ARHGEF3: variants seen among roughly 807,000 people sequenced by gnomAD.
ARHGEF3 encodes 59.8 kDA protein.
A neutral mutation model predicts 63.2 loss-of-function variants in ARHGEF3; 28 were observed. The observed-to-expected ratio is 0.44, with a 90% confidence interval of 0.33 to 0.61. The LOEUF (loss-of-function observed/expected upper bound fraction) is 0.61. Among genes scored for constraint, ARHGEF3 ranks in the 20% least tolerant of loss-of-function variants. The pLI is 0.03. For synonymous variants in ARHGEF3, 266 were observed against 254.2 expected (o/e 1.05, Z -0.44); for missense variants, 533 against 659.3 (o/e 0.81, Z 2.10).
At chr3:56,822,230 T>C (rs768253313) in intron 4 of ARHGEF3, among the ~76,000 whole-genome samples, 2 of 152,192 alleles carry the variant, frequency 1.3e-5, no homozygotes, top group African/African-American at 2.4e-5. Context: ...ATCATTCCCA[T>C]GGCACAGATG....
At chr3:56,934,170 C>T (rs919522454) in intron 3 of ARHGEF3, among the ~76,000 whole-genome samples, 2 of 152,218 alleles carry the variant, frequency 1.3e-5, no homozygotes, top group Non-Finnish European at 2.9e-5. Context: ...TCCTCACATT[C>T]CCTTCCCAGG....
chr3:57,079,057 A>G (rs1180070288), intron 1 of ARHGEF3: 2 of 320,914 alleles, frequency 6.2e-6, no homozygotes, highest in Admixed American at 5.0e-5. Flanking sequence ...CTAGCAGGGT[A>G]ACTCGGAGGT....
chr3:56,789,940 A>G (rs2037001273), intron 1 of ARHGEF3, among the ~76,000 whole-genome samples: 1 of 152,230 alleles, frequency 6.6e-6, no homozygotes, highest in African/African-American at 2.4e-5. Context: ...AGGATCAGAT[A>G]ATTTAAAAGG....
intron 1 of ARHGEF3, among the ~76,000 whole-genome samples, chr3:56,783,906 T>C (rs988728329): frequency 2.6e-5 from 4 of 152,162 alleles, no homozygotes; most frequent in African/African-American, 7.2e-5. Context: ...CCCTAAAACA[T>C]TGAAGTTTAG....
In ARHGEF3 at chr3:56,992,215, T is replaced by C. The variant is rs140744608; in HGVS notation, c.63-33326A>G. 2.9e-3 allele frequency among the ~76,000 whole-genome samples: 436 copies of C among 151,796 alleles called. 1 individual carries two copies. Among genetic ancestry groups the C allele is most frequent in the African/African-American group, 0.01 (420 of 41,364 alleles). On this transcript the variant is annotated intron_variant, in intron 2 of 12. Transcript: ENST00000338458. ...CTAGTTCGCTCATTAATGAGTTAAA[T>C]AAATATTTTGCCCAGGCTAAGTATA... is the stretch of plus-strand genomic sequence containing the variant.
chr3:56,818,029 A>G (rs2038335238), intron 4 of ARHGEF3, among the ~76,000 whole-genome samples: 1 of 152,230 alleles, frequency 6.6e-6, no homozygotes, highest in African/African-American at 2.4e-5. Context: ...GTACTGGATT[A>G]AAGTTTTTCA....
intron 4 of ARHGEF3, among the ~76,000 whole-genome samples, chr3:56,859,712 T>G (rs1311830747): frequency 1.3e-5 from 2 of 151,634 alleles, no homozygotes; most frequent in East Asian, 3.9e-4. Flanking sequence ...TTTTTTTTTT[T>G]TTTTAAGTTA....
intron 1 of ARHGEF3, among the ~76,000 whole-genome samples, chr3:57,035,875 C>G (rs1703932796): frequency 6.6e-6 from 1 of 152,230 alleles, no homozygotes; most frequent in Non-Finnish European, 1.5e-5. Flanking sequence ...TTGCATCTAG[C>G]ACAGCCACCC....
chr3:56,926,737 C>T (rs1015151410), intron 3 of ARHGEF3, among the ~76,000 whole-genome samples: 3 of 152,190 alleles, frequency 2.0e-5, no homozygotes, highest in Non-Finnish European at 2.9e-5. Flanking sequence ...ACCCAGATTC[C>T]CCCAGTGTGA....
chr3:56,794,023 A>T (rs1451773782), intron 1 of ARHGEF3, among the ~76,000 whole-genome samples: 1 of 152,218 alleles, frequency 6.6e-6, no homozygotes, highest in Non-Finnish European at 1.5e-5. Flanking sequence ...GACAGGAAAG[A>T]GATAGGACAG....
chr3:56,898,571 C>A, intron 3 of ARHGEF3: 1 of 259,400 alleles, frequency 3.9e-6, no homozygotes, highest in Non-Finnish European at 8.6e-6. Flanking sequence ...TTGGAGTTCC[C>A]CTAAAGCAGA....
intron 2 of ARHGEF3, among the ~76,000 whole-genome samples, chr3:56,980,732 C>G (rs1213604656): frequency 6.6e-6 from 1 of 152,214 alleles, no homozygotes; most frequent in African/African-American, 2.4e-5. Flanking sequence ...TGTTCTCCTA[C>G]GAGTGGGTGC....
chr3:56,938,367 A>G (rs920006034), intron 3 of ARHGEF3, among the ~76,000 whole-genome samples: 1 of 152,228 alleles, frequency 6.6e-6, no homozygotes, highest in Admixed American at 6.5e-5. Flanking sequence ...TTTAGAGACT[A>G]CTAATTTCAA....
At chr3:56,874,057 A>T (rs766249992) in intron 4 of ARHGEF3, among the ~76,000 whole-genome samples, 1 of 152,216 alleles carries the variant, frequency 6.6e-6, no homozygotes, top group African/African-American at 2.4e-5. Context: ...AGCAACTATT[A>T]TCTACCACCT....
At chr3:56,808,321 C>T (rs2037940508) in intron 4 of ARHGEF3, among the ~76,000 whole-genome samples, 1 of 152,086 alleles carries the variant, frequency 6.6e-6, no homozygotes, top group African/African-American at 2.4e-5. Context: ...GTGGCTCACG[C>T]CTGTAATCCC....
intron 2 of ARHGEF3, among the ~76,000 whole-genome samples, chr3:56,761,272 A>G (rs1164647528): frequency 6.6e-6 from 1 of 152,146 alleles, no homozygotes; most frequent in Admixed American, 6.5e-5. Flanking sequence ...CCCTGAACCC[A>G]TCATCAGTAC....
At chr3:56,847,832 C>T (rs1419207753) in intron 4 of ARHGEF3, among the ~76,000 whole-genome samples, 1 of 152,180 alleles carries the variant, frequency 6.6e-6, no homozygotes, top group Non-Finnish European at 1.5e-5. Flanking sequence ...CCCGCCTTGG[C>T]CTCCCAAAGT....
intron 4 of ARHGEF3, among the ~76,000 whole-genome samples, chr3:56,835,539 T>C (rs571413478): frequency 6.6e-6 from 1 of 152,300 alleles, no homozygotes; most frequent in African/African-American, 2.4e-5. Flanking sequence ...TAAATAATTA[T>C]AAGACATGCT....
At chr3:56,827,514 G>A (rs144042847) in intron 4 of ARHGEF3, among the ~76,000 whole-genome samples, 27 of 152,190 alleles carry the variant, frequency 1.8e-4, no homozygotes, top group African/African-American at 6.5e-4. Flanking sequence ...CACCTTGCAT[G>A]GCTGTTGCGA....
Sources: gnomAD v4.1 joint callset for allele counts (sites outside exome capture counted in the v4.1 genomes callset) on GRCh38, gnomAD v4.1.1 for gene constraint, MANE v1.5 for transcripts, NCBI Gene and HGNC (gene_info 2026-07-23, HGNC 2026-07-21) for gene names.